Variants in MYO16 observed in about 807,000 individuals in gnomAD.
MYO16 encodes the protein myosin XVI, also known as unconventional myosin-XVI.
MYO16 carries 94 observed loss-of-function variants against 205.3 expected under a neutral mutation model. The observed-to-expected ratio is 0.46, with a 90% CI of 0.39 to 0.54. The LOEUF (loss-of-function observed/expected upper bound fraction) is 0.54, where lower values mean the gene tolerates loss of function less well. MYO16 is among the 20% of genes least tolerant of loss of function. The pLI is 0.00. For synonymous variants in MYO16, 988 were observed against 954.0 expected (o/e 1.04, Z -0.66); for missense variants, 2,315 against 2,387.5 (o/e 0.97, Z 0.63).
chr13:108,896,640 C>A (rs577227724), intron 14 of MYO16, among the ~76,000 whole-genome samples: 4 of 152,310 alleles, frequency 2.6e-5, no homozygotes, highest in African/African-American at 7.2e-5. Flanking sequence ...TAATTCAACA[C>A]CTTAATGTAG....
At chr13:108,908,136 C>T (rs1881079651) in intron 15 of MYO16, among the ~76,000 whole-genome samples, 1 of 152,166 alleles carries the variant, frequency 6.6e-6, no homozygotes, top group African/African-American at 2.4e-5. Context: ...CCTGTGCACA[C>T]ACATTCAAGC....
At chr13:108,778,167 G>A (rs1421613183) in intron 4 of MYO16, among the ~76,000 whole-genome samples, 9 of 152,166 alleles carry the variant, frequency 5.9e-5, no homozygotes, top group South Asian at 2.1e-4. Context: ...GGGTAGTTAC[G>A]GTGGGACTAG....
In MYO16 at chr13:109,091,876, C is replaced by T. The variant is rs137970998; in HGVS notation, c.3336-8909C>T. ...CACAATGAAGTAATTGGAATATAAC[C>T]GTAATAAGATAAATAGTATAATATC... is the stretch of plus-strand genomic sequence containing the variant. On this transcript the variant is annotated intron_variant, in intron 27 of 34. Coordinates refer to ENST00000457511, the MANE Select transcript of MYO16 (RefSeq NM_001198950.3). Among the ~76,000 whole-genome samples, 180 of 152,182 alleles carry T rather than the reference C, an allele frequency of 1.2e-3. 6 individuals are homozygous for T. The highest frequency in any genetic ancestry group is 0.011 in the Admixed American group (170 of 15,280).
chr13:108,657,766 T>G (rs1881310645), intron 1 of MYO16, among the ~76,000 whole-genome samples: 1 of 152,214 alleles, frequency 6.6e-6, no homozygotes, highest in Non-Finnish European at 1.5e-5. Context: ...TAACAGTATT[T>G]ACAATAATAA....
chr13:108,789,233 G>A (rs1001461522), intron 5 of MYO16, among the ~76,000 whole-genome samples: 31 of 151,786 alleles, frequency 2.0e-4, no homozygotes, highest in Admixed American at 5.9e-4. Context: ...CTCCCATATC[G>A]TCATGTCTGA....
At chr13:108,634,727 G>A (rs963930573) in intron 1 of MYO16, among the ~76,000 whole-genome samples, 13 of 152,238 alleles carry the variant, frequency 8.5e-5, no homozygotes, top group Admixed American at 6.5e-4. Context: ...TGATTACCAC[G>A]TCTTCTTCTG....
chr13:109,195,445 T>G (rs909161438), intron 34 of MYO16, among the ~76,000 whole-genome samples: 9 of 152,134 alleles, frequency 5.9e-5, no homozygotes, highest in Non-Finnish European at 1.2e-4. Context: ...TATGTAAGCT[T>G]TTAATCAAAG....
chr13:109,154,939 C>CAAAAAAAAA (rs1877919318), intron 32 of MYO16, among the ~76,000 whole-genome samples: 2 of 69,092 alleles, frequency 2.9e-5, no homozygotes, highest in Admixed American at 1.5e-4. Context: ...AAAAAAAAAG[C>CAAAAAAAAA]TACCCAAGTA....
the MYO16 span, among the ~76,000 whole-genome samples, chr13:108,566,451 A>G: frequency 1.3e-5 from 2 of 149,240 alleles, no homozygotes; most frequent in African/African-American, 4.9e-5. Flanking sequence ...TATCAATTTT[A>G]TTTATCTTTT....
intron 22 of MYO16, 149 bp from the exon 23 acceptor site, chr13:109,019,562 A>G: frequency 1.6e-6 from 1 of 624,940 alleles, no homozygotes. Context: ...GGTGGGGTAG[A>G]AATAGAAATA....
Position 109,074,767 on chromosome 13 carries a change from G to A in MYO16, c.3335+19172G>A, listed in dbSNP as rs1405188873. Among the ~76,000 whole-genome samples, 6 of 151,830 alleles carry A rather than the reference G, an allele frequency of 4.0e-5. No individual in the cohort carries two copies. In the East Asian group the frequency reaches 7.7e-4, roughly 20 times the overall value. On this transcript the variant is annotated intron_variant, in intron 27 of 34. Coordinates refer to ENST00000457511, the MANE Select transcript of MYO16 (RefSeq NM_001198950.3). ...AGCATGGGGGAACTGCTACACTTAC[G>A]CTATCAGATCTCATGAGAACTCACC...
At chr13:109,092,440 T>C (rs998847222) in intron 27 of MYO16, among the ~76,000 whole-genome samples, 2 of 152,190 alleles carry the variant, frequency 1.3e-5, no homozygotes, top group South Asian at 4.1e-4. Context: ...GGAACATGGA[T>C]GGAGCTGGAA....
chr13:108,860,603 T>G (rs951841452), intron 11 of MYO16, among the ~76,000 whole-genome samples: 2 of 152,158 alleles, frequency 1.3e-5, no homozygotes, highest in African/African-American at 4.8e-5. Context: ...TCCAGAATGT[T>G]TGAACTAATT....
chr13:108,736,547 C>T (rs376704375), intron 4 of MYO16, among the ~76,000 whole-genome samples: 9 of 152,258 alleles, frequency 5.9e-5, no homozygotes, highest in East Asian at 5.8e-4. Context: ...TTACTATAAC[C>T]TTGTAGTATA....
At chr13:108,938,096 T>C (rs1422701947) in intron 16 of MYO16, among the ~76,000 whole-genome samples, 1 of 152,170 alleles carries the variant, frequency 6.6e-6, no homozygotes, top group African/African-American at 2.4e-5. Context: ...TTATTATTAT[T>C]ATTGTGTTTT....
At chr13:108,864,486 A>G (rs1046810193) in intron 11 of MYO16, among the ~76,000 whole-genome samples, 1 of 152,128 alleles carries the variant, frequency 6.6e-6, no homozygotes, top group African/African-American at 2.4e-5. Context: ...TTAAAATTGT[A>G]TATTTTTAAG....
intron 31 of MYO16, among the ~76,000 whole-genome samples, chr13:109,136,362 G>A (rs1594115169): frequency 6.6e-6 from 1 of 152,200 alleles, no homozygotes; most frequent in East Asian, 1.9e-4. Context: ...CAAAGTGATG[G>A]GATTGCAGGC....
At chr13:108,740,897 A>G (rs760613930) in intron 4 of MYO16, among the ~76,000 whole-genome samples, 4 of 152,074 alleles carry the variant, frequency 2.6e-5, no homozygotes, top group African/African-American at 7.2e-5. Flanking sequence ...TGTGCTAGCA[A>G]TGAGTGAGGC....
rs976019404 is a variant in MYO16, at chr13:109,142,671, T to C, written c.5164+1295T>C. Among the ~76,000 whole-genome samples the C allele has an allele frequency of 5.9e-5, 9 of 152,122 alleles. No homozygotes were observed. The East Asian group carries it at 1.7e-3, about 29-fold the overall frequency. ...ACCTTAGCCTCTGTTCCATTGCTTT[T>C]TGCAACCAATCAGATGTTTGCACAG... is the stretch of plus-strand genomic sequence containing the variant. On this transcript the variant is annotated intron_variant, in intron 32 of 34. Coordinates refer to ENST00000457511, the MANE Select transcript of MYO16 (RefSeq NM_001198950.3).
Sources: gnomAD v4.1 joint callset for allele counts (sites outside exome capture counted in the v4.1 genomes callset) on GRCh38, gnomAD v4.1.1 for gene constraint, MANE v1.5 for transcripts, NCBI Gene and HGNC (gene_info 2026-07-23, HGNC 2026-07-21) for gene names.